The following GCNT2 variants were observed in gnomAD, a reference collection of about 807,000 sequenced individuals.
The protein encoded by GCNT2 is N-acetyllactosaminide beta-1,6-N-acetylglucosaminyl-transferase.
GCNT2 carries 34 observed loss-of-function variants against 34.2 expected under a neutral mutation model. That is an observed-to-expected ratio of 1.00 (90% CI 0.76 to 1.32). The LOEUF (loss-of-function observed/expected upper bound fraction) is 1.32. Ranked by LOEUF, GCNT2 falls within the 40% of genes most tolerant of loss-of-function variation. The probability of loss-of-function intolerance (pLI) is 0.00; values close to 1 mark genes in which losing one functional copy is unlikely to be tolerated. For missense variants in GCNT2, 584 were observed against 489.4 expected, an observed-to-expected ratio of 1.19 and a Z score of -1.82; for synonymous variants, 212 against 188.0, an observed-to-expected ratio of 1.13 and a Z score of -1.04.
intron 3 of GCNT2, among the ~76,000 whole-genome samples, chr6:10,617,203 C>T (rs1419397410): frequency 6.6e-6 from 1 of 152,194 alleles, no homozygotes; most frequent in African/African-American, 2.4e-5. Flanking sequence ...GAGCCCTGCC[C>T]CGCTGGGAGG....
intron 3 of GCNT2, among the ~76,000 whole-genome samples, chr6:10,608,938 T>C (rs1285266183): frequency 2.0e-5 from 3 of 152,174 alleles, no homozygotes; most frequent in Non-Finnish European, 4.4e-5. Flanking sequence ...ATGAAACACG[T>C]TGGGGCCAGG....
chr6:10,534,367 C>T (rs1470926251), intron 3 of GCNT2, among the ~76,000 whole-genome samples: 2 of 151,918 alleles, frequency 1.3e-5, no homozygotes, highest in Non-Finnish European at 2.9e-5. Context: ...GTCTTCTGAC[C>T]TCAGGTGATC....
intron 3 of GCNT2, among the ~76,000 whole-genome samples, chr6:10,605,781 C>G (rs983465813): frequency 6.6e-6 from 1 of 152,108 alleles, no homozygotes; most frequent in South Asian, 2.1e-4. Context: ...AAAAAAAAAT[C>G]AGTTAAGATT....
intron 3 of GCNT2, among the ~76,000 whole-genome samples, chr6:10,547,817 C>T (rs1347909491): frequency 1.3e-5 from 2 of 152,102 alleles, no homozygotes; most frequent in African/African-American, 4.8e-5. Context: ...ATCCCTTCTC[C>T]TGTGTGTTGG....
chr6:10,594,111 G>A (rs1179729045), intron 3 of GCNT2, among the ~76,000 whole-genome samples: 2 of 152,208 alleles, frequency 1.3e-5, no homozygotes, highest in Non-Finnish European at 2.9e-5. Context: ...TCCTGTTAAA[G>A]CACAGATTTC....
intron 3 of GCNT2, among the ~76,000 whole-genome samples, chr6:10,605,832 A>G (rs753258448): frequency 3.8e-4 from 58 of 152,310 alleles, no homozygotes; most frequent in Middle Eastern, 3.4e-3. Context: ...GGTGGCTTGA[A>G]AAAAGTTTTT....
At chr6:10,545,039 T>C (rs1309273692) in intron 3 of GCNT2, among the ~76,000 whole-genome samples, 1 of 152,196 alleles carries the variant, frequency 6.6e-6, no homozygotes, top group African/African-American at 2.4e-5. Context: ...AATCCTAATA[T>C]GTAGTTACTA....
At chr6:10,618,699 G>A (rs1043929443) in intron 3 of GCNT2, among the ~76,000 whole-genome samples, 1 of 152,088 alleles carries the variant, frequency 6.6e-6, no homozygotes, top group African/African-American at 2.4e-5. Context: ...CACCGGACAA[G>A]TTTTACTCCA....
At chr6:10,534,141 C>CTTTTTTT (rs1224219034) in intron 3 of GCNT2, among the ~76,000 whole-genome samples, 2 of 120,264 alleles carry the variant, frequency 1.7e-5, no homozygotes, top group African/African-American at 2.9e-5. Flanking sequence ...CCATGCTGCT[C>CTTTTTTT]TTTTTTTTTT....
At chr6:10,560,544 A>G (rs1035731807) in intron 3 of GCNT2, among the ~76,000 whole-genome samples, 14 of 152,318 alleles carry the variant, frequency 9.2e-5, no homozygotes, top group African/African-American at 3.4e-4. Context: ...CCTTAAATTA[A>G]AATGTGTTAG....
intron 3 of GCNT2, among the ~76,000 whole-genome samples, chr6:10,579,396 A>G (rs1336472466): frequency 6.6e-6 from 1 of 152,210 alleles, no homozygotes; most frequent in South Asian, 2.1e-4. Flanking sequence ...TGTTTCACTA[A>G]ATGTTTGTAT....
At chr6:10,586,398 A>G in intron 3 of GCNT2, 1 of 1,614,212 alleles carries the variant, frequency 6.2e-7, no homozygotes, top group South Asian at 1.1e-5. Context: ...AGCTGAGTAT[A>G]AGGAATCTGT....
chr6:10,525,748 A>G (rs910103285), intron 1 of GCNT2, among the ~76,000 whole-genome samples: 2 of 152,242 alleles, frequency 1.3e-5, no homozygotes, highest in Admixed American at 6.5e-5. Flanking sequence ...GTAAGGTACA[A>G]GTAAAGACGT....
chr6:10,607,151 T>C (rs1321250147), intron 3 of GCNT2, among the ~76,000 whole-genome samples: 1 of 152,082 alleles, frequency 6.6e-6, no homozygotes, highest in East Asian at 1.9e-4. Flanking sequence ...TTTCACCATG[T>C]TGGCCGGGCT....
chr6:10,576,139 G>C (rs948092382), intron 3 of GCNT2, among the ~76,000 whole-genome samples: 1 of 152,154 alleles, frequency 6.6e-6, no homozygotes, highest in African/African-American at 2.4e-5. Context: ...CAAAGTGCTG[G>C]AATTACAGGC....
At chr6:10,575,172 A>G in intron 3 of GCNT2, 1 of 418,658 alleles carries the variant, frequency 2.4e-6, no homozygotes, top group Non-Finnish European at 4.5e-6. Flanking sequence ...ATGTTTTCTA[A>G]AAGGCTTAGA....
At chr6:10,598,228 C>T (rs1040810251) in intron 3 of GCNT2, among the ~76,000 whole-genome samples, 17 of 152,188 alleles carry the variant, frequency 1.1e-4, no homozygotes, top group Non-Finnish European at 2.1e-4. Flanking sequence ...GAGCAATTAA[C>T]GTATCTTAAC....
intron 1 of GCNT2, among the ~76,000 whole-genome samples, chr6:10,526,166 AAAG>A (rs1224370785): frequency 2.0e-5 from 3 of 152,222 alleles, no homozygotes; most frequent in African/African-American, 7.2e-5. Context: ...GATTTGTTCA[AAAG>A]AATTCTGGAT....
chr6:10,622,742 C>CTTTTTTTTTTTT (rs36097125), intron 4 of GCNT2, among the ~76,000 whole-genome samples: 2 of 74,472 alleles, frequency 2.7e-5, no homozygotes, highest in Admixed American at 1.9e-4. Flanking sequence ...CTCAGTCCAT[C>CTTTTTTTTTTTT]TTTTTTTTTT....
Sources: gnomAD v4.1 joint callset for allele counts (sites outside exome capture counted in the v4.1 genomes callset) on GRCh38, gnomAD v4.1.1 for gene constraint, MANE v1.5 for transcripts, NCBI Gene and HGNC (gene_info 2026-07-23, HGNC 2026-07-21) for gene names.